Variants in PMAIP1 observed in about 807,000 individuals in gnomAD.
PMAIP1 encodes the protein phorbol-12-myristate-13-acetate-induced protein 1, also known as PMA-induced protein 1.
PMAIP1 carries 3 observed loss-of-function variants against 3.7 expected under a neutral mutation model. The ratio of observed to expected loss-of-function variants is 0.82; its 90% CI spans 0.37 to 2.12. The LOEUF (loss-of-function observed/expected upper bound fraction) is 2.12, where lower values mean the gene tolerates loss of function less well. Ranked by LOEUF, PMAIP1 falls within the 30% of genes most tolerant of loss-of-function variation. The probability of loss-of-function intolerance (pLI) is 0.06; values close to 1 mark genes in which losing one functional copy is unlikely to be tolerated. For missense variants in PMAIP1, 77 were observed against 67.1 expected, an observed-to-expected ratio of 1.15 and a Z score of -0.52; for synonymous variants, 29 against 26.2, an observed-to-expected ratio of 1.11 and a Z score of -0.32.
intron 1 of PMAIP1, 109 bp downstream of exon 1, chr18:59,900,344 A>T: frequency 6.6e-7 from 1 of 1,524,810 alleles, no homozygotes; most frequent in Non-Finnish European, 8.8e-7. Context: ...CACAGACTGC[A>T]CGGGGGTCAA....
Position 59,904,115 on chromosome 18 carries a change from T to A in PMAIP1, c.*1362T>A, listed in dbSNP as rs1224253343. Reference sequence around the variant, plus strand: ...TAATGTAGGTTGTAGTCACTTTAGATGGAAAATTACCTCACATCTGTTTTC... The same window carrying A: ...TAATGTAGGTTGTAGTCACTTTAGAAGGAAAATTACCTCACATCTGTTTTC... On this transcript the variant is annotated 3_prime_UTR_variant, in exon 2 of 2. Coordinates refer to ENST00000316660, the MANE Select transcript of PMAIP1 (RefSeq NM_021127.3). 6.6e-6 allele frequency: 1 copy of A among 152,188 alleles called. No individual in the cohort carries two copies. The highest frequency in any genetic ancestry group is 1.5e-5 in the Non-Finnish European group (1 of 68,026). The allele number at this position is 152,188 out of a possible 1,614,324, so 9.4% of individuals were successfully genotyped here.
rs2055784449 is a variant in PMAIP1, at chr18:59,903,048, A to G, written c.*295A>G. ...TTATTGACACATTTCTTTTTTACTT[A>G]GAGAATCGTTCTAGTGTTTTTGCCG... On this transcript the variant is annotated 3_prime_UTR_variant, in exon 2 of 2. Transcript: ENST00000316660. 3.4e-6 allele frequency: 2 copies of G among 595,692 alleles called. No homozygotes were observed. Among genetic ancestry groups the G allele is most frequent in the Non-Finnish European group, 5.9e-6 (2 of 337,012 alleles). 36.9% of individuals were successfully genotyped at this position (595,692 alleles called of 1,614,324 possible).
intron 1 of PMAIP1, chr18:59,900,622 G>C: frequency 6.5e-7 from 1 of 1,543,732 alleles, no homozygotes; most frequent in Non-Finnish European, 8.7e-7. Flanking sequence ...GCGGCAGAAG[G>C]GGCAGGAGAG....
chr18:59,902,975 T>C lies in PMAIP1; in HGVS notation c.*222T>C. On this transcript the variant is annotated 3_prime_UTR_variant, in exon 2 of 2. Transcript: ENST00000316660. ...ATGAGAGAACATTATAAAACCACTT[T>C]GTTTATTTTAAAGCAAGAATGGAAG... 1.4e-6 allele frequency: 1 copy of C among 696,980 alleles called. No individual in the cohort carries two copies. Among genetic ancestry groups the C allele is most frequent in the Non-Finnish European group, 2.4e-6 (1 of 412,176 alleles). 43.2% of individuals were successfully genotyped at this position (696,980 alleles called of 1,614,324 possible).
intron 1 of PMAIP1, among the ~76,000 whole-genome samples, chr18:59,901,788 T>G (rs1477018916): frequency 1.3e-5 from 2 of 152,218 alleles, no homozygotes; most frequent in East Asian, 3.8e-4. Flanking sequence ...AGATACGATA[T>G]TATAGTCAGT....
rs760723354 is a variant in PMAIP1 at position 59,902,771 on chromosome 18, A to G, written c.*18A>G. On this transcript the variant is annotated 3_prime_UTR_variant, in exon 2 of 2. Coordinates refer to ENST00000316660, the MANE Select transcript of PMAIP1 (RefSeq NM_021127.3). ...GAACCTGACTGCATCAAAAACTTGC[A>G]TGAGGGGACTCCTTCAAAAGAGTTT... 4.3e-6 allele frequency: 7 copies of G among 1,614,036 alleles called. No homozygotes were observed. The highest frequency in any genetic ancestry group is 1.3e-5 in the African/African-American group (1 of 74,934).
Position 59,902,714 on chromosome 18 carries a change from TC to T in PMAIP1, c.127del (p.Leu43Ter). ...ACAAACTGAACTTCCGGCAGAAACTTCTGAATCTGATATCCAAACTCTTCTG... is the reference window on the plus strand; with the variant it reads ...ACAAACTGAACTTCCGGCAGAAACTTTGAATCTGATATCCAAACTCTTCTG... The part of the protein sequence containing the change: ...GDKLNFRQKL[L>X]NLISKLFCSG... On this transcript the variant is annotated frameshift_variant, in exon 2 of 2. Transcript: ENST00000316660. LOFTEE classifies it high-confidence loss of function. 1 of 1,614,192 alleles carries T rather than the reference TC, an allele frequency of 6.2e-7. No individual in the cohort carries two copies. The highest frequency in any genetic ancestry group is 8.5e-7 in the Non-Finnish European group (1 of 1,180,020).
intron 1 of PMAIP1, 181 bp downstream of exon 1, chr18:59,900,416 G>A: frequency 6.5e-7 from 1 of 1,550,304 alleles, no homozygotes; most frequent in Non-Finnish European, 8.7e-7. Context: ...GTTCTTCGGG[G>A]TTTTTCCCCA....
At chr18:59,900,455 G>A (rs968977841) in intron 1 of PMAIP1, 3 of 1,548,880 alleles carry the variant, frequency 1.9e-6, no homozygotes, top group African/African-American at 2.7e-5. Flanking sequence ...GGTACGGCGA[G>A]GGACCAAGCC....
rs2055748926 is a variant in PMAIP1 at position 59,900,188 on chromosome 18, A to G, written c.11A>G (p.Lys4Arg). The G allele has an allele frequency of 1.3e-6, 2 of 1,559,640 alleles. No individual in the cohort carries two copies. The highest frequency in any genetic ancestry group is 1.2e-5 in the South Asian group (1 of 85,230). MPG[K>R]KARKNAQPSP... Reference sequence around the variant, plus strand: ...GCGGCACCGGCGGAGATGCCTGGGAAGAAGGCGCGCAAGAACGCTCAACCG... The same window carrying G: ...GCGGCACCGGCGGAGATGCCTGGGAGGAAGGCGCGCAAGAACGCTCAACCG... The change falls in exon 1 of 2, where the codon AAG becomes AGG. Residue 4 changes from lysine to arginine, a missense_variant. By Grantham distance (26) the Lys-to-Arg change is conservative (BLOSUM62 2). Coordinates refer to ENST00000316660, the MANE Select transcript of PMAIP1 (RefSeq NM_021127.3).
rs576453534 is a variant in PMAIP1, at chr18:59,900,204, C to T, written c.27C>T (p.Asn9=). 3.8e-4 allele frequency: 584 copies of T among 1,557,300 alleles called. No individual in the cohort carries two copies. Among genetic ancestry groups the T allele is most frequent in the Middle Eastern group, 6.9e-4 (4 of 5,778 alleles). ...TGCCTGGGAAGAAGGCGCGCAAGAA[C>T]GCTCAACCGAGCCCCGCGCGGGCTC... MPGKKARK[N]AQPSPARAPA... Residue 9 remains asparagine (N), a synonymous_variant, in exon 1 of 2, where the codon AAC becomes AAT. Transcript: ENST00000316660.
Position 59,900,025 on chromosome 18 carries a change from T to G in PMAIP1, c.-153T>G. ...TTTCCCGGGCACTCACCGTGTGTAG[T>G]TGGCATCTCCGCGCGTCCGGACACC... On this transcript the variant is annotated 5_prime_UTR_variant, in exon 1 of 2. Transcript: ENST00000316660. The G allele has an allele frequency of 1.5e-6, 1 of 684,020 alleles. No homozygotes were observed. Among genetic ancestry groups the G allele is most frequent in the Non-Finnish European group, 2.3e-6 (1 of 433,132 alleles). 42.4% of individuals were successfully genotyped at this position (684,020 alleles called of 1,614,324 possible).
Position 59,900,112 on chromosome 18 carries a change from A to T in PMAIP1, c.-66A>T, listed in dbSNP as rs2055747351. The T allele has an allele frequency of 1.3e-6, 2 of 1,501,080 alleles. No individual in the cohort carries two copies. The highest frequency in any genetic ancestry group is 1.8e-6 in the Non-Finnish European group (2 of 1,114,188). 93.0% of individuals were successfully genotyped at this position (1,501,080 alleles called of 1,614,324 possible). ...TCAGCTCGCGTCCTGCAGCTGTCCG[A>T]GGTGCTCCAGTTGGAGGCTGAGGTT... On this transcript the variant is annotated 5_prime_UTR_variant, in exon 1 of 2. Transcript: ENST00000316660.
At chr18:59,901,558 G>T (rs934195685) in intron 1 of PMAIP1, among the ~76,000 whole-genome samples, 1 of 152,160 alleles carries the variant, frequency 6.6e-6, no homozygotes, top group Non-Finnish European at 1.5e-5. Context: ...CTTGTAGAGA[G>T]AAATTGGTTG....
chr18:59,902,590 T>C, intron 1 of PMAIP1, 57 bp from the exon 2 acceptor site: 1 of 1,449,018 alleles, frequency 6.9e-7, no homozygotes, highest in Non-Finnish European at 9.7e-7. Context: ...TAGGTTTTGC[T>C]GGTTACAGTC....
At chr18:59,901,149 T>A (rs2055765337) in intron 1 of PMAIP1, among the ~76,000 whole-genome samples, 1 of 152,168 alleles carries the variant, frequency 6.6e-6, no homozygotes, top group Non-Finnish European at 1.5e-5. Context: ...GGATCTTACT[T>A]ATGCATAGCA....
At position 59,902,900 on chromosome 18, in the gene PMAIP1, A is replaced by C; in HGVS notation, c.*147A>C. 1 of 1,281,728 alleles carries C rather than the reference A, an allele frequency of 7.8e-7. No homozygotes were observed. Among genetic ancestry groups the C allele is most frequent in the East Asian group, 2.5e-5 (1 of 39,482 alleles). 79.4% of individuals were successfully genotyped at this position (1,281,728 alleles called of 1,614,324 possible). A position where few individuals can be genotyped will look rare whatever the true frequency, so the allele number is the denominator to read the frequency against. Reference sequence around the variant, plus strand: ...TGCCCTTGGAAACGGAAGATGGAATACATCAAAGTGAATTTCTGTTCAAGT... The same window carrying C: ...TGCCCTTGGAAACGGAAGATGGAATCCATCAAAGTGAATTTCTGTTCAAGT... On this transcript the variant is annotated 3_prime_UTR_variant, in exon 2 of 2. Coordinates refer to ENST00000316660, the MANE Select transcript of PMAIP1 (RefSeq NM_021127.3).
Position 59,903,116 on chromosome 18 carries a change from T to G in PMAIP1, c.*363T>G, listed in dbSNP as rs1389883188. The G allele has an allele frequency of 9.7e-6, 5 of 513,134 alleles. No homozygotes were observed. Among genetic ancestry groups the G allele is most frequent in the Admixed American group, 3.5e-5 (1 of 28,748 alleles). The allele number at this position is 513,134 out of a possible 1,614,324, so 31.8% of individuals were successfully genotyped here. Reference sequence around the variant, plus strand: ...ACTGTGAAGGGAGATGACCTGTGATTAGACTGGGCGGCTGGGGAGAAACAG... The same window carrying G: ...ACTGTGAAGGGAGATGACCTGTGATGAGACTGGGCGGCTGGGGAGAAACAG... On this transcript the variant is annotated 3_prime_UTR_variant, in exon 2 of 2. Coordinates refer to ENST00000316660, the MANE Select transcript of PMAIP1 (RefSeq NM_021127.3).
At position 59,902,821 on chromosome 18, in the gene PMAIP1, A is replaced by G. The variant is rs186289188; in HGVS notation, c.*68A>G. The G allele has an allele frequency of 2.0e-3, 3,174 of 1,610,374 alleles. 4 individuals are homozygous for G. Among genetic ancestry groups the G allele is most frequent in the Non-Finnish European group, 2.5e-3 (2,944 of 1,177,820 alleles). On this transcript the variant is annotated 3_prime_UTR_variant, in exon 2 of 2. Transcript: ENST00000316660. The stretch of plus-strand genomic sequence containing the variant: ...TTCTCAGGAGGTGCACGTTTCATCA[A>G]TTTGAAGAAAGACTGCATTGTAATT...
Sources: gnomAD v4.1 joint callset for allele counts (sites outside exome capture counted in the v4.1 genomes callset) on GRCh38, gnomAD v4.1.1 for gene constraint, MANE v1.5 for transcripts, NCBI Gene and HGNC (gene_info 2026-07-23, HGNC 2026-07-21) for gene names.